The following FAN1 variants were observed in gnomAD, a reference collection of about 807,000 sequenced individuals.
The protein encoded by FAN1 is fanconi-associated nuclease 1.
In FAN1, 91 loss-of-function variants were observed where a neutral mutation model predicts 104.9. The ratio of observed to expected loss-of-function variants is 0.87; its 90% CI spans 0.73 to 1.03. The LOEUF (loss-of-function observed/expected upper bound fraction) is 1.03, where lower values mean the gene tolerates loss of function less well. FAN1 is among the 50% of genes least tolerant of loss of function. The pLI, the probability that FAN1 is intolerant of heterozygous loss-of-function variation, is 0.00. For synonymous variants in FAN1, 478 were observed against 457.6 expected (o/e 1.04, Z -0.57); for missense variants, 1,263 against 1,239.9 (o/e 1.02, Z -0.28).
intron 13 of FAN1, among the ~76,000 whole-genome samples, chr15:30,931,724 T>C (rs2062714602): frequency 6.6e-6 from 1 of 152,188 alleles, no homozygotes; most frequent in Non-Finnish European, 1.5e-5. Context: ...CAAAAATCAG[T>C]AACCCATATA....
chr15:30,917,898 C>T (rs2062227366), intron 5 of FAN1, among the ~76,000 whole-genome samples: 1 of 152,158 alleles, frequency 6.6e-6, no homozygotes, highest in South Asian at 2.1e-4. Context: ...GAATGATGAG[C>T]TGATCCATAT....
intron 8 of FAN1, among the ~76,000 whole-genome samples, chr15:30,924,454 A>C (rs1190525697): frequency 6.6e-6 from 1 of 152,122 alleles, no homozygotes; most frequent in Non-Finnish European, 1.5e-5. Flanking sequence ...CCCACCAGCA[A>C]TGCGTGAGGT....
chr15:30,927,840 C>A (rs1210551329), intron 10 of FAN1: 2 of 985,578 alleles, frequency 2.0e-6, no homozygotes, highest in East Asian at 1.1e-4. Context: ...CCAAGGCTGA[C>A]CCCCTCATCC....
chr15:30,936,197 A>G (rs1446863709), intron 13 of FAN1, among the ~76,000 whole-genome samples: 1 of 152,170 alleles, frequency 6.6e-6, no homozygotes, highest in Non-Finnish European at 1.5e-5. Context: ...GACATGTAGT[A>G]TATATTTTTA....
At chr15:30,940,565 C>T (rs1396469345) in intron 14 of FAN1, 17 of 985,534 alleles carry the variant, frequency 1.7e-5, no homozygotes, top group Middle Eastern at 5.2e-4. Flanking sequence ...AGCACGCCTC[C>T]CAGCAAGCCT....
intron 4 of FAN1, 83 bp from the exon 5 acceptor site, chr15:30,913,775 A>T: frequency 1.1e-6 from 1 of 920,648 alleles, no homozygotes; most frequent in Non-Finnish European, 1.7e-6. Context: ...ATTTCTCTTT[A>T]TTTTAGATGA....
At chr15:30,915,752 CAAAT>C (rs2140916951) in intron 5 of FAN1, among the ~76,000 whole-genome samples, 1 of 151,948 alleles carries the variant, frequency 6.6e-6, no homozygotes, top group Non-Finnish European at 1.5e-5. Context: ...AGATGCCAAA[CAAAT>C]AATGGGATTA....
rs763511300 is a variant in FAN1 at position 30,904,658 on chromosome 15, A to T, written c.-6A>T. The T allele has an allele frequency of 1.2e-6, 2 of 1,608,310 alleles. No homozygotes were observed. The highest frequency in any genetic ancestry group is 1.7e-6 in the Non-Finnish European group (2 of 1,178,110). ...TTGCTCAGAACATCCAGTTTTTCTA[A>T]TACTCATGATGTCAGAAGGGAAACC... is the stretch of plus-strand genomic sequence containing the variant. On this transcript the variant is annotated 5_prime_UTR_variant, in exon 2 of 15. An upstream open reading frame in the 5' UTR loses its in-frame stop. Transcript: ENST00000362065.
rs1230056419 is a variant in FAN1 at position 30,913,997 on chromosome 15, A to G, written c.1717A>G (p.Thr573Ala). ...TTGTGGAGGTCAGGGACAGCTTTCA[A>G]CAGTCCTGTTGGTCAACCTCGGCCG... ...AACGGQGQLS[T>A]VLLVNLGRME... is the part of the protein sequence containing the mutation. Residue 573 changes from threonine to alanine, a missense_variant, in exon 5 of 15, where the codon ACA becomes GCA. Thr to Ala is a moderately conservative substitution (Grantham distance 58, BLOSUM62 0). Around this residue, in one of 2 missense-constraint regions of FAN1, gnomAD observed 581 missense variants for 668.8 expected, o/e 0.87. Transcript: ENST00000362065. 1.9e-6 allele frequency: 3 copies of G among 1,614,112 alleles called. No homozygotes were observed. Among genetic ancestry groups the G allele is most frequent in the Admixed American group, 1.7e-5 (1 of 60,028 alleles).
intron 2 of FAN1, among the ~76,000 whole-genome samples, chr15:30,907,374 C>T (rs896386500): frequency 6.6e-5 from 10 of 151,766 alleles, no homozygotes; most frequent in East Asian, 1.9e-4. Context: ...AAAAATTAGC[C>T]GGGCATGGTG....
Position 30,941,784 on chromosome 15 carries a change from C to A in FAN1, c.*222C>A. On this transcript the variant is annotated 3_prime_UTR_variant, in exon 15 of 15. Transcript: ENST00000362065. ...AGCTTGTGAAAGGCTGTGATGGAGC[C>A]ACCCAGGCTGATCTGGGCCTCGGGA... The A allele has an allele frequency of 6.2e-7, 1 of 1,614,010 alleles. No individual in the cohort carries two copies. The highest frequency in any genetic ancestry group is 8.5e-7 in the Non-Finnish European group (1 of 1,179,874).
intron 14 of FAN1, chr15:30,939,654 G>C (rs1214352427): frequency 4.3e-6 from 1 of 234,318 alleles, no homozygotes; most frequent in Non-Finnish European, 5.2e-6. Flanking sequence ...TACTACAAGA[G>C]TTAAAATAAA....
Position 30,913,840 on chromosome 15 carries a change from A to G in FAN1, c.1578-18A>G. 1.3e-6 allele frequency: 2 copies of G among 1,518,212 alleles called. No individual in the cohort carries two copies. Among genetic ancestry groups the G allele is most frequent in the East Asian group, 2.3e-5 (1 of 44,264 alleles). The allele number at this position is 1,518,212 out of a possible 1,614,324, so 94.0% of individuals were successfully genotyped here. On this transcript the variant is annotated intron_variant, in intron 4 of 14. Transcript: ENST00000362065. ...GCTTAAAAAGCTAAAAGTTATTTCT[A>G]CATTGTACATTTTTCAGAGCCAAAG...
intron 14 of FAN1, chr15:30,940,509 G>A: frequency 2.0e-6 from 2 of 985,440 alleles, no homozygotes; most frequent in Non-Finnish European, 2.4e-6. Context: ...CCAGGGGGAA[G>A]TGCCAGCAAT....
chr15:30,933,259 G>A lies in FAN1; in HGVS notation c.2916+2588G>A, dbSNP rs557580815. Among the ~76,000 whole-genome samples the A allele has an allele frequency of 1.8e-4, 27 of 152,220 alleles. 1 individual carries two copies. In the Middle Eastern group the frequency reaches 0.014, roughly 77 times the overall value. On this transcript the variant is annotated intron_variant, in intron 13 of 14. Coordinates refer to ENST00000362065, the MANE Select transcript of FAN1 (RefSeq NM_014967.5). ...AGAACTTCTTTTCTAATAGAGTTAG[G>A]TAGTGCTCCAAATTTCCTTCTCAGT...
At chr15:30,938,784 C>G (rs755439177) in intron 14 of FAN1, among the ~76,000 whole-genome samples, 1 of 152,106 alleles carries the variant, frequency 6.6e-6, no homozygotes, top group South Asian at 2.1e-4. Flanking sequence ...TAGCCACTTC[C>G]GAATTGCTGT....
Position 30,929,075 on chromosome 15 carries a change from T to G in FAN1, c.2593-128T>G. ...AATTGCTTTTATATCAATTAACTTT[T>G]ACTTATCTTTTGAGAGAAAGAATGT... is the stretch of plus-strand genomic sequence containing the variant. On this transcript the variant is annotated intron_variant, in intron 11 of 14. Coordinates refer to ENST00000362065, the MANE Select transcript of FAN1 (RefSeq NM_014967.5). 4.7e-6 allele frequency: 4 copies of G among 854,670 alleles called. No homozygotes were observed. In the South Asian group the frequency reaches 6.8e-5, roughly 15 times the overall value. 52.9% of individuals were successfully genotyped at this position (854,670 alleles called of 1,614,324 possible).
At chr15:30,941,543 C>A (rs762225508) in intron 14 of FAN1, 23 bp from the exon 15 acceptor site, 2 of 1,607,788 alleles carry the variant, frequency 1.2e-6, no homozygotes, top group African/African-American at 2.7e-5. Context: ...TAATGGTGTT[C>A]CTAAAATGCT....
At chr15:30,941,475 C>G in intron 14 of FAN1, 91 bp from the exon 15 acceptor site, 8 of 1,602,414 alleles carry the variant, frequency 5.0e-6, no homozygotes, top group Non-Finnish European at 6.8e-6. Context: ...CTATTTTAGT[C>G]TTCATTTGCT....
Sources: allele counts gnomAD v4.1 joint callset (sites outside exome capture counted in the v4.1 genomes callset), GRCh38; gene constraint gnomAD v4.1.1; regional missense constraint gnomAD v4.1.1; transcripts MANE v1.5; gene names NCBI Gene and HGNC (gene_info 2026-07-23, HGNC 2026-07-21).